PCDHA9: variants seen among roughly 807,000 people sequenced by gnomAD.
PCDHA9 encodes protocadherin alpha-9.
Under a neutral mutation model 62.0 loss-of-function variants are expected in PCDHA9, and 62 were observed. That is an observed-to-expected ratio of 1.00 (90% CI 0.81 to 1.23). The LOEUF is 1.23. Ranked by LOEUF, PCDHA9 falls within the 50% of genes most tolerant of loss-of-function variation. The pLI is 0.00. For synonymous variants in PCDHA9, 557 were observed against 567.6 expected, an observed-to-expected ratio of 0.98 and a Z score of 0.27; for missense variants, 1,205 against 1,249.8, an observed-to-expected ratio of 0.96 and a Z score of 0.54.
intron 1 of PCDHA9, chr5:140,883,651 G>T: frequency 6.2e-7 from 1 of 1,613,652 alleles, no homozygotes. Context: ...CCGAGTACAC[G>T]GTGTTCGTGA....
chr5:140,877,874 C>A, intron 1 of PCDHA9: 1 of 1,477,456 alleles, frequency 6.8e-7, no homozygotes, highest in Non-Finnish European at 9.0e-7. Flanking sequence ...ATATTTGTTT[C>A]CTTGAAGAAC....
intron 1 of PCDHA9, among the ~76,000 whole-genome samples, chr5:140,898,903 C>T (rs1323359632): frequency 6.6e-6 from 1 of 152,100 alleles, no homozygotes; most frequent in Non-Finnish European, 1.5e-5. Context: ...AGAGGTCCTT[C>T]ACGTCCCTTG....
chr5:140,877,201 G>T, intron 1 of PCDHA9: 1 of 1,613,830 alleles, frequency 6.2e-7, no homozygotes, highest in South Asian at 1.1e-5. Flanking sequence ...AGGAGGCGCA[G>T]TTAGCGAGTT....
intron 1 of PCDHA9, among the ~76,000 whole-genome samples, chr5:140,961,502 T>C (rs6891232): frequency 0.023 from 3,568 of 152,334 alleles, 49 homozygotes; most frequent in Middle Eastern, 0.034. Context: ...TTGGGAGACT[T>C]TGTTTAATGT....
At chr5:140,988,556 C>A (rs574182013) in intron 3 of PCDHA9, among the ~76,000 whole-genome samples, 1 of 152,158 alleles carries the variant, frequency 6.6e-6, no homozygotes, top group South Asian at 2.1e-4. Flanking sequence ...TCTTCATCTT[C>A]TTCTTGGGAA....
At chr5:140,905,343 G>C (rs2071757275) in intron 1 of PCDHA9, among the ~76,000 whole-genome samples, 1 of 152,148 alleles carries the variant, frequency 6.6e-6, no homozygotes, top group Non-Finnish European at 1.5e-5. Context: ...TCAGTTGGCT[G>C]TAAGTATTTG....
At position 140,850,688 on chromosome 5, in the gene PCDHA9, G is replaced by T. The variant is rs370343489; in HGVS notation, c.2193G>T (p.Glu731Asp). ...LRCSAMPTEG[E>D]CAPGKPTLVC... ...GCTCGGCGATGCCCACCGAGGGCGA[G>T]TGCGCGCCTGGCAAGCCGACGCTGG... The change falls in exon 1 of 4, where the codon GAG (glutamate) becomes GAT (aspartate). Residue 731 changes from glutamate to aspartate, a missense_variant. By Grantham distance (45) the Glu-to-Asp change is conservative (BLOSUM62 2). Coordinates refer to ENST00000532602, the MANE Select transcript of PCDHA9 (RefSeq NM_031857.2). The T allele has an allele frequency of 5.0e-6, 8 of 1,598,504 alleles. 1 individual carries two copies. Among genetic ancestry groups the T allele is most frequent in the Non-Finnish European group, 6.9e-6 (8 of 1,167,882 alleles).
chr5:140,970,927 G>A (rs1481513155), intron 1 of PCDHA9, among the ~76,000 whole-genome samples: 2 of 152,150 alleles, frequency 1.3e-5, no homozygotes, highest in African/African-American at 4.8e-5. Flanking sequence ...GAAGTGCCTG[G>A]TGTTAGTCAA....
intron 1 of PCDHA9, among the ~76,000 whole-genome samples, chr5:140,932,599 A>G (rs2088459196): frequency 6.6e-6 from 1 of 151,912 alleles, no homozygotes; most frequent in Non-Finnish European, 1.5e-5. Context: ...TTGTATATCT[A>G]TTTTGACTTT....
chr5:140,915,458 G>T (rs1172885235), intron 1 of PCDHA9, among the ~76,000 whole-genome samples: 11 of 152,126 alleles, frequency 7.2e-5, no homozygotes, highest in African/African-American at 2.2e-4. Flanking sequence ...TTTCCAGAAG[G>T]TTTTTATTTG....
At position 140,857,606 on chromosome 5, in the gene PCDHA9, C is replaced by T. The variant is rs565842920; in HGVS notation, c.2394+6717C>T. The T allele has an allele frequency of 1.2e-4, 191 of 1,596,384 alleles. 13 individuals are homozygous for T. The South Asian group carries it at 2.1e-3, about 17-fold the overall frequency. ...GGAGAGCGGCAAGGTGTACGCGCTG[C>T]AGCCGCTGGACCACGAGGAGCTGGA... On this transcript the variant is annotated intron_variant, in intron 1 of 3. Coordinates refer to ENST00000532602, the MANE Select transcript of PCDHA9 (RefSeq NM_031857.2).
intron 1 of PCDHA9, chr5:140,928,696 C>G: frequency 6.2e-7 from 1 of 1,614,146 alleles, no homozygotes. Flanking sequence ...CCACATCTCC[C>G]GGGCGTCTGA....
intron 1 of PCDHA9, chr5:140,883,461 T>C: frequency 2.5e-6 from 4 of 1,614,144 alleles, no homozygotes; most frequent in Non-Finnish European, 3.4e-6. Context: ...TTCAAGCTGG[T>C]GTCCACCTAC....
intron 1 of PCDHA9, among the ~76,000 whole-genome samples, chr5:140,918,383 C>A (rs1227959801): frequency 4.6e-5 from 7 of 152,124 alleles, no homozygotes. Flanking sequence ...CCTTTTATTT[C>A]TTTCTCTTGC....
intron 1 of PCDHA9, among the ~76,000 whole-genome samples, chr5:140,908,703 C>T (rs751488038): frequency 5.9e-5 from 9 of 152,318 alleles, no homozygotes; most frequent in Non-Finnish European, 1.3e-4. Flanking sequence ...ACCTCAAGCA[C>T]CATTGGATCT....
At chr5:140,927,226 A>T in intron 1 of PCDHA9, 5 of 1,613,996 alleles carry the variant, frequency 3.1e-6, no homozygotes, top group Non-Finnish European at 4.2e-6. Context: ...CAAGATTCGG[A>T]TTCACGTCCT....
chr5:140,859,951 A>G (rs1376166288), intron 1 of PCDHA9: 3 of 151,970 alleles, frequency 2.0e-5, no homozygotes, highest in African/African-American at 7.3e-5. Context: ...ACTCATATCA[A>G]TTGTAAAAGT....
intron 1 of PCDHA9, among the ~76,000 whole-genome samples, chr5:140,891,410 A>T: frequency 7.7e-6 from 1 of 130,320 alleles, no homozygotes; most frequent in East Asian, 2.5e-4. Context: ...GCCACCCCCC[A>T]CTCTTGCCCC....
intron 1 of PCDHA9, chr5:140,857,682 G>T (rs1554150517): frequency 2.5e-6 from 4 of 1,596,980 alleles, no homozygotes; most frequent in Middle Eastern, 1.8e-4. Context: ...CCGCCTCTGG[G>T]CAGCAACTTG....
Sources: gnomAD v4.1 joint callset for allele counts (sites outside exome capture counted in the v4.1 genomes callset) on GRCh38, gnomAD v4.1.1 for gene constraint, MANE v1.5 for transcripts, NCBI Gene and HGNC (gene_info 2026-07-23, HGNC 2026-07-21) for gene names.